Variants in LRRC4C observed in about 807,000 individuals in gnomAD.
LRRC4C encodes leucine rich repeat containing 4C.
A neutral mutation model predicts 33.6 loss-of-function variants in LRRC4C; 5 were observed. That is an observed-to-expected ratio of 0.15 (90% CI 0.08 to 0.31). The LOEUF is 0.31. LRRC4C is among the 10% of genes least tolerant of loss of function. The pLI, the probability that LRRC4C is intolerant of heterozygous loss-of-function variation, is 1.00. For synonymous variants in LRRC4C, 329 were observed against 302.0 expected (o/e 1.09, Z -0.93); for missense variants, 560 against 796.7 (o/e 0.70, Z 3.58).
At chr11:41,320,247 T>C (rs532658299) in intron 1 of LRRC4C, among the ~76,000 whole-genome samples, 8 of 152,224 alleles carry the variant, frequency 5.3e-5, no homozygotes, top group Non-Finnish European at 8.8e-5. Context: ...TATGAAAGCT[T>C]CTTCAAATGT....
At chr11:41,129,813 C>T (rs904398759) in intron 1 of LRRC4C, among the ~76,000 whole-genome samples, 4 of 151,902 alleles carry the variant, frequency 2.6e-5, no homozygotes, top group African/African-American at 9.7e-5. Flanking sequence ...TTAGTTGTTA[C>T]AGGTTATAGA....
intron 2 of LRRC4C, among the ~76,000 whole-genome samples, chr11:40,850,968 A>G (rs188540819): frequency 3.6e-4 from 54 of 152,048 alleles, no homozygotes; most frequent in African/African-American, 1.3e-3. Context: ...GTAATGGCAG[A>G]CCCACCTCCC....
chr11:41,016,723 G>C (rs895255723), intron 1 of LRRC4C, among the ~76,000 whole-genome samples: 1 of 152,104 alleles, frequency 6.6e-6, no homozygotes, highest in African/African-American at 2.4e-5. Flanking sequence ...TTTCAGCCTG[G>C]AGAATCAGAG....
At chr11:41,127,645 T>C (rs902112502) in intron 1 of LRRC4C, among the ~76,000 whole-genome samples, 1 of 152,108 alleles carries the variant, frequency 6.6e-6, no homozygotes. Context: ...CTTGAGACTA[T>C]TTCTAGGCCA....
At chr11:40,481,957 G>C (rs1590873250) in intron 3 of LRRC4C, among the ~76,000 whole-genome samples, 1 of 152,226 alleles carries the variant, frequency 6.6e-6, no homozygotes, top group East Asian at 1.9e-4. Flanking sequence ...TTACTACCTG[G>C]TAGGGATATT....
chr11:40,836,590 A>G (rs1952678186), intron 2 of LRRC4C, among the ~76,000 whole-genome samples: 1 of 152,122 alleles, frequency 6.6e-6, no homozygotes, highest in African/African-American at 2.4e-5. Flanking sequence ...TTTATTTTAT[A>G]ATATAACTCT....
At chr11:40,930,959 T>C (rs771042131) in intron 2 of LRRC4C, among the ~76,000 whole-genome samples, 1 of 152,198 alleles carries the variant, frequency 6.6e-6, no homozygotes, top group Non-Finnish European at 1.5e-5. Context: ...ATTTTCCTGA[T>C]CCCTTTCCAT....
At chr11:41,149,301 C>A (rs866010659) in intron 1 of LRRC4C, among the ~76,000 whole-genome samples, 3 of 151,730 alleles carry the variant, frequency 2.0e-5, no homozygotes, top group Admixed American at 1.3e-4. Flanking sequence ...GTCAGGAGAT[C>A]GAGACCATCC....
chr11:40,499,093 G>C (rs1333005429), intron 3 of LRRC4C, among the ~76,000 whole-genome samples: 1 of 152,180 alleles, frequency 6.6e-6, no homozygotes, highest in East Asian at 1.9e-4. Context: ...AGCCACAACT[G>C]AAGAAACTAT....
chr11:41,217,300 A>G (rs1244253859), intron 1 of LRRC4C, among the ~76,000 whole-genome samples: 1 of 152,234 alleles, frequency 6.6e-6, no homozygotes, highest in African/African-American at 2.4e-5. Context: ...TCAAATCAAA[A>G]TACATAGAAG....
At chr11:40,991,259 AT>A (rs1182754949) in intron 1 of LRRC4C, among the ~76,000 whole-genome samples, 1 of 149,882 alleles carries the variant, frequency 6.7e-6, no homozygotes, top group Non-Finnish European at 1.5e-5. Context: ...AATAAATGTG[AT>A]TTTTAATACT....
At chr11:41,267,933 G>T (rs1333924353) in intron 1 of LRRC4C, among the ~76,000 whole-genome samples, 3 of 152,040 alleles carry the variant, frequency 2.0e-5, no homozygotes, top group African/African-American at 7.2e-5. Context: ...CCTGCCACAG[G>T]TTGTTTTCTT....
At chr11:41,218,249 T>A (rs1947148499) in intron 1 of LRRC4C, among the ~76,000 whole-genome samples, 2 of 152,148 alleles carry the variant, frequency 1.3e-5, no homozygotes, top group Admixed American at 6.5e-5. Context: ...CAAAAATAAG[T>A]GAACAATCCT....
At chr11:41,282,601 T>C (rs1011741139) in intron 1 of LRRC4C, among the ~76,000 whole-genome samples, 4 of 152,162 alleles carry the variant, frequency 2.6e-5, no homozygotes, top group Admixed American at 2.6e-4. Context: ...AAACTAACTT[T>C]GGGATGTCTG....
At chr11:40,822,271 A>G (rs573847642) in intron 2 of LRRC4C, among the ~76,000 whole-genome samples, 3 of 151,368 alleles carry the variant, frequency 2.0e-5, no homozygotes, top group Non-Finnish European at 4.4e-5. Flanking sequence ...TGTGCCTGAC[A>G]TATTTCACTT....
At chr11:41,056,832 G>C (rs1260738687) in intron 1 of LRRC4C, among the ~76,000 whole-genome samples, 2 of 152,220 alleles carry the variant, frequency 1.3e-5, no homozygotes, top group Non-Finnish European at 2.9e-5. Context: ...TGGGCCATCT[G>C]GAGCAGCCAC....
intron 3 of LRRC4C, among the ~76,000 whole-genome samples, chr11:40,594,833 T>C (rs1318069117): frequency 1.3e-5 from 2 of 152,130 alleles, no homozygotes; most frequent in East Asian, 3.9e-4. Flanking sequence ...TTTGTAGAAA[T>C]ATTAAAAAAT....
At chr11:40,394,854 T>G (rs2137485082) in intron 3 of LRRC4C, among the ~76,000 whole-genome samples, 1 of 152,310 alleles carries the variant, frequency 6.6e-6, no homozygotes, top group Non-Finnish European at 1.5e-5. Flanking sequence ...AAACTACGAT[T>G]TTCAGAAATG....
At chr11:40,254,452 A>G (rs939395271) in intron 4 of LRRC4C, among the ~76,000 whole-genome samples, 9 of 152,204 alleles carry the variant, frequency 5.9e-5, no homozygotes, top group African/African-American at 1.9e-4. Flanking sequence ...CACATGGTCC[A>G]TCTTTCATAT....
Sources: gnomAD v4.1 joint callset for allele counts (sites outside exome capture counted in the v4.1 genomes callset) on GRCh38, gnomAD v4.1.1 for gene constraint, MANE v1.5 for transcripts, NCBI Gene and HGNC (gene_info 2026-07-23, HGNC 2026-07-21) for gene names.